Variants in SGIP1 observed in about 807,000 individuals in gnomAD.
SGIP1 encodes the protein SH3-containing GRB2-like protein 3-interacting protein 1.
SGIP1 carries 38 observed loss-of-function variants against 107.5 expected under a neutral mutation model. The observed-to-expected ratio is 0.35, with a 90% CI of 0.27 to 0.46. The LOEUF (loss-of-function observed/expected upper bound fraction) is 0.46, where lower values mean the gene tolerates loss of function less well. Ranked by LOEUF, SGIP1 falls within the 20% of genes least tolerant of loss-of-function variation. SGIP1 has a pLI of 1.00. For missense variants in SGIP1, 929 were observed against 1,019.5 expected, an observed-to-expected ratio of 0.91 and a Z score of 1.21; for synonymous variants, 365 against 366.1, an observed-to-expected ratio of 1.00 and a Z score of 0.03.
intron 7 of SGIP1, among the ~76,000 whole-genome samples, chr1:66,644,505 A>G (rs552317456): frequency 6.6e-6 from 1 of 152,254 alleles, no homozygotes; most frequent in Admixed American, 6.5e-5. Context: ...GTTGTGAGGA[A>G]CAGATGAAGG....
chr1:66,719,155 A>G, intron 18 of SGIP1, 139 bp from the exon 19 acceptor site: 1 of 534,972 alleles, frequency 1.9e-6, no homozygotes, highest in Non-Finnish European at 3.4e-6. Context: ...TTGAATATAC[A>G]GAGTTACGGT....
rs551235387 is a variant in SGIP1, at chr1:66,545,920, A to G, written c.10+11552A>G. Among the ~76,000 whole-genome samples, 6 of 152,306 alleles carry G rather than the reference A, an allele frequency of 3.9e-5. No homozygotes were observed. The East Asian group carries it at 1.2e-3, about 29-fold the overall frequency. On this transcript the variant is annotated intron_variant, in intron 1 of 24. Transcript: ENST00000371037. The stretch of plus-strand genomic sequence containing the variant: ...GCTCAAAAACCAAGGACTATGCCAC[A>G]GTAGAGACCATATTTTACTCACTTT...
At chr1:66,684,578 T>G (rs1381756201) in intron 15 of SGIP1, among the ~76,000 whole-genome samples, 1 of 152,232 alleles carries the variant, frequency 6.6e-6, no homozygotes, top group Non-Finnish European at 1.5e-5. Flanking sequence ...CTCAGTCTCC[T>G]AAAAGGACAT....
At chr1:66,598,961 C>T (rs185547050) in intron 1 of SGIP1, among the ~76,000 whole-genome samples, 2 of 151,964 alleles carry the variant, frequency 1.3e-5, no homozygotes, top group African/African-American at 4.8e-5. Flanking sequence ...AAGCACAGTC[C>T]AAAATGTAGA....
At chr1:66,710,763 T>G (rs1463369092) in intron 18 of SGIP1, among the ~76,000 whole-genome samples, 1 of 152,164 alleles carries the variant, frequency 6.6e-6, no homozygotes, top group Non-Finnish European at 1.5e-5. Context: ...ACTGATGATG[T>G]AAAGCTTTTC....
At chr1:66,704,818 T>A (rs1278745235) in intron 18 of SGIP1, 1 of 152,210 alleles carries the variant, frequency 6.6e-6, no homozygotes, top group Non-Finnish European at 1.5e-5. Context: ...TTATAATCCT[T>A]TTTATGTGTC....
intron 1 of SGIP1, among the ~76,000 whole-genome samples, chr1:66,553,519 T>C (rs895769983): frequency 1.3e-5 from 2 of 151,848 alleles, no homozygotes; most frequent in Admixed American, 6.6e-5. Context: ...CTACTAAAAA[T>C]ACAAAAATTA....
intron 20 of SGIP1, among the ~76,000 whole-genome samples, chr1:66,731,783 A>G (rs2094021887): frequency 6.6e-6 from 1 of 152,152 alleles, no homozygotes; most frequent in African/African-American, 2.4e-5. Context: ...TGTTTCCTTA[A>G]TGTTTACTGA....
chr1:66,552,741 C>T (rs1341045177), intron 1 of SGIP1, among the ~76,000 whole-genome samples: 1 of 152,120 alleles, frequency 6.6e-6, no homozygotes, highest in African/African-American at 2.4e-5. Context: ...AAGTACATAG[C>T]TTAGTGGTTG....
chr1:66,575,415 G>T (rs545122379), intron 1 of SGIP1, among the ~76,000 whole-genome samples: 3 of 152,184 alleles, frequency 2.0e-5, no homozygotes, highest in Non-Finnish European at 2.9e-5. Context: ...ACATTTACTT[G>T]TAGATGCATC....
At chr1:66,661,339 C>T (rs1158909993) in intron 8 of SGIP1, among the ~76,000 whole-genome samples, 1 of 152,182 alleles carries the variant, frequency 6.6e-6, no homozygotes, top group Non-Finnish European at 1.5e-5. Flanking sequence ...GTTGTTAACG[C>T]ACCTAGGTGG....
At chr1:66,535,262 T>G (rs2147934570) in intron 1 of SGIP1, among the ~76,000 whole-genome samples, 1 of 152,276 alleles carries the variant, frequency 6.6e-6, no homozygotes, top group East Asian at 1.9e-4. Context: ...GATTTTCTGT[T>G]TTCACACTAT....
At position 66,549,137 on chromosome 1, in the gene SGIP1, G is replaced by GCCTGCCTT. The variant is rs1051893057; in HGVS notation, c.10+14772_10+14773insGCCTTCCT. ...GAGCTTAAGCTCCTTCTGGCTACCT[G>GCCTGCCTT]CCTTCCTTCCTTCCTTCCTTCCTTC... On this transcript the variant is annotated intron_variant, in intron 1 of 24. Coordinates refer to ENST00000371037, the MANE Select transcript of SGIP1 (RefSeq NM_032291.4). Among the ~76,000 whole-genome samples, 294 of 144,514 alleles carry GCCTGCCTT rather than the reference G, an allele frequency of 2.0e-3. 2 individuals carry two copies. The highest frequency in any genetic ancestry group is 5.9e-3 in the African/African-American group (233 of 39,190). 94.8% of individuals were successfully genotyped at this position (144,514 alleles called of 152,430 possible).
chr1:66,570,903 G>A (rs1353827826), intron 1 of SGIP1, among the ~76,000 whole-genome samples: 1 of 151,878 alleles, frequency 6.6e-6, no homozygotes, highest in Non-Finnish European at 1.5e-5. Flanking sequence ...CTATAAGACT[G>A]TAATTCCTGA....
At chr1:66,690,556 G>A in intron 17 of SGIP1, 1 of 504,516 alleles carries the variant, frequency 2.0e-6, no homozygotes, top group South Asian at 2.7e-5. Context: ...TTCTTATGCT[G>A]TTCCATACAG....
At chr1:66,622,930 T>C (rs532568140) in intron 1 of SGIP1, among the ~76,000 whole-genome samples, 5 of 152,308 alleles carry the variant, frequency 3.3e-5, no homozygotes, top group Admixed American at 6.5e-5. Context: ...TCAAAAATCA[T>C]TGGATATACT....
chr1:66,543,933 T>C (rs1372599149), intron 1 of SGIP1, among the ~76,000 whole-genome samples: 1 of 152,198 alleles, frequency 6.6e-6, no homozygotes, highest in Non-Finnish European at 1.5e-5. Flanking sequence ...ATACCCATGG[T>C]AAAGTTTAAT....
At chr1:66,738,398 C>T (rs2094339549) in intron 21 of SGIP1, among the ~76,000 whole-genome samples, 1 of 152,222 alleles carries the variant, frequency 6.6e-6, no homozygotes, top group Non-Finnish European at 1.5e-5. Context: ...CACCACTCAT[C>T]TGATCCCTGC....
In SGIP1 at chr1:66,599,632, G is replaced by A. The variant is rs77729240; in HGVS notation, c.11-26215G>A. Reference sequence around the variant, plus strand: ...TGCTACACATCTTATTTAACTACGGGTGTATTTATGCTGCCTTAATAGCTG... The same window carrying A: ...TGCTACACATCTTATTTAACTACGGATGTATTTATGCTGCCTTAATAGCTG... On this transcript the variant is annotated intron_variant, in intron 1 of 24. Coordinates refer to ENST00000371037, the MANE Select transcript of SGIP1 (RefSeq NM_032291.4). Among the ~76,000 whole-genome samples the A allele has an allele frequency of 6.9e-3, 1,044 of 152,276 alleles. 17 individuals are homozygous for A. Among genetic ancestry groups the A allele is most frequent in the African/African-American group, 0.023 (973 of 41,556 alleles).
Sources: gnomAD v4.1 joint callset for allele counts (sites outside exome capture counted in the v4.1 genomes callset) on GRCh38, gnomAD v4.1.1 for gene constraint, MANE v1.5 for transcripts, NCBI Gene and HGNC (gene_info 2026-07-23, HGNC 2026-07-21) for gene names.